WDR33: variants seen among roughly 807,000 people sequenced by gnomAD.
The protein encoded by WDR33 is pre-mRNA 3' end processing protein WDR33.
In WDR33, 47 loss-of-function variants were observed where a neutral mutation model predicts 164.9. The observed-to-expected ratio is 0.29, with a 90% CI of 0.23 to 0.36. The LOEUF is 0.36. Ranked by LOEUF, WDR33 falls within the 10% of genes least tolerant of loss-of-function variation. WDR33 has a pLI of 1.00. For synonymous variants in WDR33, 505 were observed against 589.0 expected, an observed-to-expected ratio of 0.86 and a Z score of 2.06; for missense variants, 1,137 against 1,754.1, an observed-to-expected ratio of 0.65 and a Z score of 6.28.
In WDR33 at chr2:127,735,107, T is replaced by A. The variant is rs1686807437; in HGVS notation, c.725-8330A>T. Among the ~76,000 whole-genome samples, 1 of 152,236 alleles carries A rather than the reference T, an allele frequency of 6.6e-6. No homozygotes were observed. Among genetic ancestry groups the A allele is most frequent in the African/African-American group, 2.4e-5 (1 of 41,460 alleles). On this transcript the variant is annotated intron_variant, in intron 7 of 21. Transcript: ENST00000322313. The surrounding 1 kb of genome is among the most constrained non-coding windows in gnomAD (Gnocchi z 4.3). ...AAGACTTCTTGTTCATTATTCCCTGTCCCAGAACCGTAAAGTGTAGTGCAG... is the reference window on the plus strand; with the variant it reads ...AAGACTTCTTGTTCATTATTCCCTGACCCAGAACCGTAAAGTGTAGTGCAG...
Position 127,726,695 on chromosome 2 carries a change from T to G in WDR33, c.807A>C (p.Pro269=). ...CAGTCTTGGGATCCCAGAACTTGAT[T>G]GGCTGTTGACTATCTTTACTTCCTG... ...VVSGSKDSQQ[P]IKFWDPKTGQ... The change falls in exon 8 of 22, where the codon CCA becomes CCC. Residue 269 remains proline (P), a synonymous_variant. Coordinates refer to ENST00000322313, the MANE Select transcript of WDR33 (RefSeq NM_018383.5). This position sits in a 1 kb window ranked among gnomAD's most constrained non-coding sequence, Gnocchi z 4.8. 1 of 1,614,236 alleles carries G rather than the reference T, an allele frequency of 6.2e-7. No homozygotes were observed. The highest frequency in any genetic ancestry group is 2.2e-5 in the East Asian group (1 of 44,892).
In WDR33 at chr2:127,724,789, A is replaced by G. The variant is rs955134821; in HGVS notation, c.1085+98T>C. On this transcript the variant is annotated intron_variant, in intron 10 of 21. Coordinates refer to ENST00000322313, the MANE Select transcript of WDR33 (RefSeq NM_018383.5). The surrounding 1 kb of genome is among the most constrained non-coding windows in gnomAD (Gnocchi z 4.8). ...CTGCAAGCAGTCTCTGATATAGGAT[A>G]TATGAACACTTAGAAAAGCTACAAA... is the stretch of plus-strand genomic sequence containing the variant. 3.8e-6 allele frequency: 5 copies of G among 1,331,966 alleles called. No homozygotes were observed. The highest frequency in any genetic ancestry group is 3.4e-5 in the Admixed American group (2 of 58,450). 82.5% of individuals were successfully genotyped at this position (1,331,966 alleles called of 1,614,324 possible). A position where few individuals can be genotyped will look rare whatever the true frequency, so the allele number is the denominator to read the frequency against.
intron 1 of WDR33, among the ~76,000 whole-genome samples, chr2:127,804,411 G>A (rs1350724413): frequency 6.6e-6 from 1 of 152,196 alleles, no homozygotes; most frequent in Non-Finnish European, 1.5e-5. Flanking sequence ...AGAAATTTGA[G>A]TATGAATTTT....
chr2:127,783,051 G>A (rs1688430314), intron 1 of WDR33, among the ~76,000 whole-genome samples: 1 of 152,142 alleles, frequency 6.6e-6, no homozygotes, highest in Non-Finnish European at 1.5e-5. Context: ...CAGGATATGT[G>A]TATGTTATAT....
At chr2:127,798,367 C>CCA (rs1369252565) in intron 1 of WDR33, among the ~76,000 whole-genome samples, 1 of 19,296 alleles carries the variant, frequency 5.2e-5, no homozygotes, top group African/African-American at 2.1e-4. Context: ...GACACCGTCG[C>CCA]AAAAAAAAAA....
At chr2:127,762,447 T>C in intron 7 of WDR33, 1 of 914,278 alleles carries the variant, frequency 1.1e-6, no homozygotes, top group Non-Finnish European at 1.3e-6. Context: ...TCCAATATTC[T>C]AATGCATAAT....
chr2:127,799,728 A>T (rs139630812), intron 1 of WDR33, among the ~76,000 whole-genome samples: 3 of 152,290 alleles, frequency 2.0e-5, no homozygotes, highest in South Asian at 2.1e-4. Context: ...AGAAAAATGC[A>T]AAACAAAACC....
At chr2:127,745,208 G>A (rs545293742) in intron 7 of WDR33, among the ~76,000 whole-genome samples, 5 of 152,218 alleles carry the variant, frequency 3.3e-5, no homozygotes, top group African/African-American at 9.6e-5. Flanking sequence ...GTAAATGTAC[G>A]ACCCAGAGTT....
At chr2:127,747,267 T>C (rs79888795) in intron 7 of WDR33, among the ~76,000 whole-genome samples, 6,112 of 152,262 alleles carry the variant, frequency 0.04, 362 homozygotes, top group African/African-American at 0.13. Flanking sequence ...AATTATGTAC[T>C]GTACCTAATA....
rs950244881 is a variant in WDR33, at chr2:127,706,602, G to A, written c.3782-50C>T. ...GGACTTTTTGTATTAGCAACTGTTTGTCAGTAACTCCCAGTACAAACTTTA... is the reference window on the plus strand; with the variant it reads ...GGACTTTTTGTATTAGCAACTGTTTATCAGTAACTCCCAGTACAAACTTTA... On this transcript the variant is annotated intron_variant, in intron 21 of 21. Coordinates refer to ENST00000322313, the MANE Select transcript of WDR33 (RefSeq NM_018383.5). This position sits in a 1 kb window ranked among gnomAD's most constrained non-coding sequence, Gnocchi z 5.1. 6.6e-7 allele frequency: 1 copy of A among 1,517,830 alleles called. No individual in the cohort carries two copies. The highest frequency in any genetic ancestry group is 9.0e-7 in the Non-Finnish European group (1 of 1,112,712). The allele number at this position is 1,517,830 out of a possible 1,614,324, so 94.0% of individuals were successfully genotyped here.
In WDR33 at chr2:127,720,250, C is replaced by A; in HGVS notation, c.1775G>T (p.Gly592Val). 6.4e-7 allele frequency: 1 copy of A among 1,570,082 alleles called. No homozygotes were observed. Among genetic ancestry groups the A allele is most frequent in the South Asian group, 1.2e-5 (1 of 84,398 alleles). Reference protein sequence around the residue: ...LLGPQPFPGQGPMSQIPQGFQ... With the variant: ...LLGPQPFPGQVPMSQIPQGFQ... ...ACCTTGAGGAATCTGAGACATTGGA[C>A]CTTGTCCTGGAAAAGGCTGGGGTCC... Residue 592 changes from glycine to valine, a missense_variant, in exon 16 of 22, where the codon GGT (glycine) becomes GTT (valine). By Grantham distance (109) the Gly-to-Val change is moderately radical. Around this residue, in one of 9 missense-constraint regions of WDR33, gnomAD observed 867 missense variants for 1,073.0 expected, o/e 0.81. Coordinates refer to ENST00000322313, the MANE Select transcript of WDR33 (RefSeq NM_018383.5). This position sits in a 1 kb window ranked among gnomAD's most constrained non-coding sequence, Gnocchi z 5.9.
At chr2:127,782,917 G>A (rs1236427971) in intron 1 of WDR33, among the ~76,000 whole-genome samples, 3 of 152,166 alleles carry the variant, frequency 2.0e-5, no homozygotes. Context: ...ACTGAGGCGG[G>A]AGAATGGCAG....
intron 7 of WDR33, among the ~76,000 whole-genome samples, chr2:127,727,447 A>G (rs981324895): frequency 6.6e-6 from 1 of 152,110 alleles, no homozygotes; most frequent in Non-Finnish European, 1.5e-5. Flanking sequence ...ATCCTGAGGA[A>G]AGTATTAGCA....
In WDR33 at chr2:127,714,492, C is replaced by G. The variant is rs2240818; in HGVS notation, c.2870-471G>C. On this transcript the variant is annotated intron_variant, in intron 17 of 21. Coordinates refer to ENST00000322313, the MANE Select transcript of WDR33 (RefSeq NM_018383.5). This position sits in a 1 kb window ranked among gnomAD's most constrained non-coding sequence, Gnocchi z 4.3. Reference sequence around the variant, plus strand: ...GGGTGCCACTGCCACCCATGACATCCCTCCTCTAACCCCAGCTTGTTGCAC... The same window carrying G: ...GGGTGCCACTGCCACCCATGACATCGCTCCTCTAACCCCAGCTTGTTGCAC... Among the ~76,000 whole-genome samples, 9,403 of 152,240 alleles carry G rather than the reference C, an allele frequency of 0.062. 586 individuals carry two copies. Among genetic ancestry groups the G allele is most frequent in the African/African-American group, 0.16 (6,620 of 41,516 alleles).
rs770790698 is a variant in WDR33, at chr2:127,721,791, C to T, written c.1671+45G>A. 7.7e-6 allele frequency: 12 copies of T among 1,555,844 alleles called. No homozygotes were observed. In the South Asian group the frequency reaches 1.5e-4, roughly 19 times the overall value. On this transcript the variant is annotated intron_variant, in intron 15 of 21. Coordinates refer to ENST00000322313, the MANE Select transcript of WDR33 (RefSeq NM_018383.5). The surrounding 1 kb of genome is among the most constrained non-coding windows in gnomAD (Gnocchi z 4.9). ...CCTATCAATAAAAATGTCACCACTACCCTCTTAGATCATCTTGAATTCCCC... is the reference window on the plus strand; with the variant it reads ...CCTATCAATAAAAATGTCACCACTATCCTCTTAGATCATCTTGAATTCCCC...
Position 127,720,245 on chromosome 2 carries a change from T to C in WDR33, c.1780A>G (p.Met594Val), listed in dbSNP as rs1178517244. ...GPQPFPGQGP[M>V]SQIPQGFQQP... ...TGAAAACCTTGAGGAATCTGAGACA[T>C]TGGACCTTGTCCTGGAAAAGGCTGG... The change falls in exon 16 of 22, where the codon ATG (methionine) becomes GTG (valine). Residue 594 changes from methionine to valine, a missense_variant. Around this residue, in one of 9 missense-constraint regions of WDR33, gnomAD observed 867 missense variants for 1,073.0 expected, o/e 0.81. Coordinates refer to ENST00000322313, the MANE Select transcript of WDR33 (RefSeq NM_018383.5). The surrounding 1 kb of genome is among the most constrained non-coding windows in gnomAD (Gnocchi z 5.9). 4 of 1,578,120 alleles carry C rather than the reference T, an allele frequency of 2.5e-6. No individual in the cohort carries two copies. Among genetic ancestry groups the C allele is most frequent in the Middle Eastern group, 3.4e-4 (2 of 5,872 alleles).
At chr2:127,756,740 A>G (rs1433187328) in intron 7 of WDR33, among the ~76,000 whole-genome samples, 1 of 152,184 alleles carries the variant, frequency 6.6e-6, no homozygotes, top group Non-Finnish European at 1.5e-5. Context: ...TCTTTCTGAA[A>G]ACTGACTGCC....
rs1686401466 is a variant in WDR33, at chr2:127,720,147, A to C, written c.1878T>G (p.Phe626Leu). 2 of 1,613,866 alleles carry C rather than the reference A, an allele frequency of 1.2e-6. No individual in the cohort carries two copies. Among genetic ancestry groups the C allele is most frequent in the African/African-American group, 1.3e-5 (1 of 74,858 alleles). ...TTTGTCCCTGGGGTCCAGGAGGCCT[A>C]AACTGTCCCTGTGGACCTGGAGGCC... is the stretch of plus-strand genomic sequence containing the variant. ...QMGPPGPQGQ[F>L]RPPGPQGQMG... Residue 626 changes from phenylalanine (F) to leucine (L), a missense_variant, in exon 16 of 22, where the codon TTT becomes TTG. Phe to Leu is a conservative substitution (Grantham distance 22). This residue lies in a region of WDR33 where 867 missense variants were observed against 1,073.0 expected (regional missense o/e 0.81). Coordinates refer to ENST00000322313, the MANE Select transcript of WDR33 (RefSeq NM_018383.5). This position sits in a 1 kb window ranked among gnomAD's most constrained non-coding sequence, Gnocchi z 5.9.
chr2:127,717,500 G>A lies in WDR33; in HGVS notation c.2761-237C>T, dbSNP rs138923965. Among the ~76,000 whole-genome samples, 114 of 152,062 alleles carry A rather than the reference G, an allele frequency of 7.5e-4. No individual in the cohort carries two copies. The highest frequency in any genetic ancestry group is 2.5e-3 in the African/African-American group (102 of 41,478). ...TTTATGTAAAATTAGATCTTTACTC[G>A]TAATGCCAAAAAAGAACATCAATGG... On this transcript the variant is annotated intron_variant, in intron 16 of 21. Transcript: ENST00000322313. This position sits in a 1 kb window ranked among gnomAD's most constrained non-coding sequence, Gnocchi z 5.6.
Sources: gnomAD v4.1 joint callset for allele counts (sites outside exome capture counted in the v4.1 genomes callset) on GRCh38, gnomAD v4.1.1 for gene constraint, gnomAD v4.1.1 regional missense constraint, Gnocchi (gnomAD v3.1) non-coding constraint, MANE v1.5 for transcripts, NCBI Gene and HGNC (gene_info 2026-07-23, HGNC 2026-07-21) for gene names.